RIMS1: variants seen among roughly 807,000 people sequenced by gnomAD.
RIMS1 encodes the protein regulating synaptic membrane exocytosis 1.
In RIMS1, 83 loss-of-function variants were observed where a neutral mutation model predicts 214.1. The observed-to-expected ratio is 0.39, with a 90% CI of 0.32 to 0.47. The LOEUF (loss-of-function observed/expected upper bound fraction) is 0.47. RIMS1 is among the 20% of genes least tolerant of loss of function. RIMS1 has a pLI of 0.99. For missense variants in RIMS1, 2,050 were observed against 2,161.8 expected, an observed-to-expected ratio of 0.95 and a Z score of 1.03; for synonymous variants, 793 against 786.8, an observed-to-expected ratio of 1.01 and a Z score of -0.13.
At chr6:72,365,584 C>G (rs1048565935) in intron 29 of RIMS1, among the ~76,000 whole-genome samples, 1 of 152,178 alleles carries the variant, frequency 6.6e-6, no homozygotes, top group African/African-American at 2.4e-5. Flanking sequence ...ACTGGAATAT[C>G]TTTGTAAGTA....
chr6:71,975,222 C>CGAG (rs1457339688), intron 2 of RIMS1, among the ~76,000 whole-genome samples: 1 of 151,994 alleles, frequency 6.6e-6, no homozygotes, highest in African/African-American at 2.4e-5. Context: ...AGTACTTAAA[C>CGAG]GAGGATTGGA....
intron 27 of RIMS1, 122 bp downstream of exon 27, chr6:72,307,492 C>T (rs59889996): frequency 0.023 from 13,816 of 593,794 alleles, 693 homozygotes; most frequent in African/African-American, 0.15. Flanking sequence ...GGCATGGTAG[C>T]TCACACCTGT....
At chr6:72,268,682 A>G (rs1405565080) in intron 22 of RIMS1, among the ~76,000 whole-genome samples, 1 of 152,184 alleles carries the variant, frequency 6.6e-6, no homozygotes, top group African/African-American at 2.4e-5. Context: ...AGTTTGGCCT[A>G]CTTTAACAGA....
intron 2 of RIMS1, among the ~76,000 whole-genome samples, chr6:72,049,197 G>C (rs1823917314): frequency 6.6e-6 from 1 of 152,122 alleles, no homozygotes; most frequent in South Asian, 2.1e-4. Flanking sequence ...CTGGCAGCCT[G>C]GGCCCCATAA....
intron 6 of RIMS1, among the ~76,000 whole-genome samples, chr6:72,194,507 T>C (rs1230345965): frequency 6.6e-6 from 1 of 152,138 alleles, no homozygotes; most frequent in Non-Finnish European, 1.5e-5. Flanking sequence ...AAAATATGCT[T>C]CCTACTCTAA....
chr6:72,126,799 G>A (rs1277957521), intron 4 of RIMS1: 1 of 219,488 alleles, frequency 4.6e-6, no homozygotes, highest in Non-Finnish European at 9.1e-6. Context: ...TGACCTGGAT[G>A]TGGTGAATAA....
intron 1 of RIMS1, among the ~76,000 whole-genome samples, chr6:71,943,683 A>AT (rs1170893924): frequency 2.6e-5 from 4 of 152,146 alleles, no homozygotes; most frequent in Non-Finnish European, 4.4e-5. Flanking sequence ...GGCAATAAGC[A>AT]TTTTTTCCTT....
intron 6 of RIMS1, among the ~76,000 whole-genome samples, chr6:72,215,576 A>G (rs2055549228): frequency 6.6e-6 from 1 of 152,232 alleles, no homozygotes; most frequent in South Asian, 2.1e-4. Flanking sequence ...CCATATGCCT[A>G]TGAGAAATAA....
At chr6:72,391,952 T>C (rs2098709833) in intron 30 of RIMS1, among the ~76,000 whole-genome samples, 1 of 152,214 alleles carries the variant, frequency 6.6e-6, no homozygotes, top group South Asian at 2.1e-4. Context: ...ATAATCTGTG[T>C]CCCATTTAAT....
intron 1 of RIMS1, among the ~76,000 whole-genome samples, chr6:71,923,131 T>C (rs1780519675): frequency 6.6e-6 from 1 of 152,218 alleles, no homozygotes; most frequent in African/African-American, 2.4e-5. Context: ...AAGGCACTCA[T>C]GTTCCATTTG....
Position 72,179,728 on chromosome 6 carries a change from A to C in RIMS1, c.625A>C (p.Lys209Gln). 1.2e-6 allele frequency: 2 copies of C among 1,613,890 alleles called. No individual in the cohort carries two copies. Among genetic ancestry groups the C allele is most frequent in the Non-Finnish European group, 1.7e-6 (2 of 1,179,884 alleles). The change falls in exon 5 of 34, where the codon AAA (lysine) becomes CAA (glutamine). Residue 209 changes from lysine (K) to glutamine (Q), a missense_variant. Lys to Gln is a moderately conservative substitution (Grantham distance 53). Transcript: ENST00000521978. ...GAGSEVPREK[K>Q]ARLQERSRSQ... ...TGGCTCTGAGGTACCAAGAGAAAAGAAAGCACGACTCCAAGAGCGATCGCG... is the reference window on the plus strand; with the variant it reads ...TGGCTCTGAGGTACCAAGAGAAAAGCAAGCACGACTCCAAGAGCGATCGCG...
rs556312627 is a variant in RIMS1, at chr6:71,911,714, T to C, written c.164+24527T>C. On this transcript the variant is annotated intron_variant, in intron 1 of 33. Coordinates refer to ENST00000521978, the MANE Select transcript of RIMS1 (RefSeq NM_014989.7). Reference sequence around the variant, plus strand: ...TTTTGAGATCTTTGCTTAACACATATCAGTCTAAAGGTGAAGTACTGAAGG... The same window carrying C: ...TTTTGAGATCTTTGCTTAACACATACCAGTCTAAAGGTGAAGTACTGAAGG... 2.0e-3 allele frequency among the ~76,000 whole-genome samples: 298 copies of C among 152,302 alleles called. 1 individual carries two copies. The highest frequency in any genetic ancestry group is 7.0e-3 in the African/African-American group (293 of 41,584).
intron 2 of RIMS1, among the ~76,000 whole-genome samples, chr6:72,064,331 AAGAGAGAG>A (rs56373385): frequency 1.1e-4 from 15 of 137,092 alleles, no homozygotes; most frequent in African/African-American, 2.7e-4. Context: ...GAAAGAAAGA[AAGAGAGAG>A]AGAGAGAGAG....
intron 4 of RIMS1, among the ~76,000 whole-genome samples, chr6:72,127,123 CCA>C (rs1279320148): frequency 6.6e-6 from 1 of 152,134 alleles, no homozygotes; most frequent in African/African-American, 2.4e-5. Flanking sequence ...TTCCCCATCA[CCA>C]GAGTATTTTT....
At chr6:72,134,902 A>G (rs1023194060) in intron 4 of RIMS1, among the ~76,000 whole-genome samples, 2 of 152,138 alleles carry the variant, frequency 1.3e-5, no homozygotes, top group African/African-American at 4.8e-5. Flanking sequence ...GAGTAAGTTA[A>G]ATGGGAGAAA....
At chr6:72,312,781 A>T (rs2095576631) in intron 27 of RIMS1, among the ~76,000 whole-genome samples, 1 of 152,152 alleles carries the variant, frequency 6.6e-6, no homozygotes, top group Admixed American at 6.5e-5. Context: ...ATATATTTTT[A>T]AGAAATGTTA....
rs556485076 is a variant in RIMS1 at position 72,083,209 on chromosome 6, T to C, written c.246-13740T>C. ...TAAAATTTTTCTGTATATCATTCAT[T>C]CACCAAGTATTTCAGAGCATTGGAA... On this transcript the variant is annotated intron_variant, in intron 2 of 33. Coordinates refer to ENST00000521978, the MANE Select transcript of RIMS1 (RefSeq NM_014989.7). 2.0e-5 allele frequency among the ~76,000 whole-genome samples: 3 copies of C among 152,292 alleles called. No homozygotes were observed. In the East Asian group the frequency reaches 5.8e-4, roughly 29 times the overall value.
intron 1 of RIMS1, among the ~76,000 whole-genome samples, chr6:71,943,629 A>G (rs1034995942): frequency 6.6e-6 from 1 of 152,214 alleles, no homozygotes; most frequent in African/African-American, 2.4e-5. Context: ...AATGCAGCAT[A>G]ATGCAAGCTG....
At chr6:72,269,896 C>G (rs926112498) in intron 22 of RIMS1, among the ~76,000 whole-genome samples, 1 of 152,110 alleles carries the variant, frequency 6.6e-6, no homozygotes, top group East Asian at 1.9e-4. Context: ...AGGTTAAATA[C>G]CATATCTTTG....
Sources: gnomAD v4.1 joint callset for allele counts (sites outside exome capture counted in the v4.1 genomes callset) on GRCh38, gnomAD v4.1.1 for gene constraint, MANE v1.5 for transcripts, NCBI Gene and HGNC (gene_info 2026-07-23, HGNC 2026-07-21) for gene names.